ADAMTSL3: variants seen among roughly 807,000 people sequenced by gnomAD.
The protein encoded by ADAMTSL3 is ADAMTS-like protein 3.
In ADAMTSL3, 128 loss-of-function variants were observed where a neutral mutation model predicts 201.7. The observed-to-expected ratio is 0.63, with a 90% CI of 0.55 to 0.73. The LOEUF (loss-of-function observed/expected upper bound fraction) is 0.73, where lower values mean the gene tolerates loss of function less well. Ranked by LOEUF, ADAMTSL3 falls within the 30% of genes least tolerant of loss-of-function variation. The pLI is 0.00. For synonymous variants in ADAMTSL3, 738 were observed against 748.4 expected (o/e 0.99, Z 0.23); for missense variants, 1,990 against 2,119.6 (o/e 0.94, Z 1.20).
At chr15:83,952,345 G>A (rs1775086224) in intron 19 of ADAMTSL3, among the ~76,000 whole-genome samples, 1 of 152,092 alleles carries the variant, frequency 6.6e-6, no homozygotes, top group South Asian at 2.1e-4. Context: ...AGTTTTTTGA[G>A]TGTTTTAAGA....
At chr15:83,691,087 A>T (rs942249976) in intron 2 of ADAMTSL3, among the ~76,000 whole-genome samples, 1 of 152,178 alleles carries the variant, frequency 6.6e-6, no homozygotes, top group Non-Finnish European at 1.5e-5. Context: ...GTGAAGGGGC[A>T]CTGTGCAGTT....
intron 6 of ADAMTSL3, among the ~76,000 whole-genome samples, chr15:83,833,725 A>G (rs950037374): frequency 1.3e-5 from 2 of 152,218 alleles, no homozygotes; most frequent in African/African-American, 4.8e-5. Flanking sequence ...ATTCATGCTT[A>G]GATGGCTTAG....
chr15:83,759,380 C>A (rs2062772455), intron 3 of ADAMTSL3, among the ~76,000 whole-genome samples: 1 of 152,222 alleles, frequency 6.6e-6, no homozygotes, highest in East Asian at 1.9e-4. Context: ...TGCCCGCCAC[C>A]ATGCCCAGCT....
At chr15:83,953,058 A>G (rs916243977) in intron 19 of ADAMTSL3, among the ~76,000 whole-genome samples, 5 of 152,134 alleles carry the variant, frequency 3.3e-5, no homozygotes, top group African/African-American at 4.8e-5. Context: ...CAACAGATCA[A>G]TGGCTCTTGT....
chr15:83,731,531 A>G (rs933829269), intron 3 of ADAMTSL3, among the ~76,000 whole-genome samples: 2 of 152,044 alleles, frequency 1.3e-5, no homozygotes, highest in African/African-American at 4.8e-5. Flanking sequence ...GAATTACCAT[A>G]TAATCTAGCA....
At chr15:83,852,867 G>C (rs942547184) in intron 7 of ADAMTSL3, among the ~76,000 whole-genome samples, 1 of 151,840 alleles carries the variant, frequency 6.6e-6, no homozygotes, top group African/African-American at 2.4e-5. Flanking sequence ...TCCATTTTTG[G>C]GGGGCTGGAA....
intron 3 of ADAMTSL3, among the ~76,000 whole-genome samples, chr15:83,710,688 A>G (rs1289912813): frequency 6.6e-6 from 1 of 152,134 alleles, no homozygotes; most frequent in African/African-American, 2.4e-5. Context: ...GCCTATTTGT[A>G]TGATTCCTTG....
chr15:83,850,285 A>G (rs2064583828), intron 7 of ADAMTSL3, among the ~76,000 whole-genome samples: 1 of 151,502 alleles, frequency 6.6e-6, no homozygotes, highest in African/African-American at 2.4e-5. Context: ...AACTCACTCC[A>G]CCCATCATCC....
At chr15:83,931,727 C>T (rs1357247245) in intron 17 of ADAMTSL3, among the ~76,000 whole-genome samples, 75 of 152,096 alleles carry the variant, frequency 4.9e-4, no homozygotes, top group Non-Finnish European at 7.4e-5. Context: ...AAACAACTAC[C>T]TGGGCTAGGA....
In ADAMTSL3 at chr15:83,984,243, CAAAT is replaced by C. The variant is rs2067437091; in HGVS notation, c.3716+902_3716+905del. On this transcript the variant is annotated intron_variant, in intron 21 of 29. Transcript: ENST00000286744. ...TGCCTTTAGAGATCGTTAAGAGACA[CAAAT>C]AACACAGCAGATGTGAAACTGTTTT... 3.3e-5 allele frequency among the ~76,000 whole-genome samples: 5 copies of C among 152,260 alleles called. No individual in the cohort carries two copies. The South Asian group carries it at 1.0e-3, about 32-fold the overall frequency.
chr15:83,974,081 C>T (rs777901604), intron 20 of ADAMTSL3, among the ~76,000 whole-genome samples: 18 of 152,210 alleles, frequency 1.2e-4, no homozygotes, highest in Non-Finnish European at 1.9e-4. Context: ...AATCCCTGCA[C>T]AGTCCCCTTG....
chr15:83,696,769 T>C (rs556058393), intron 2 of ADAMTSL3, among the ~76,000 whole-genome samples: 7 of 152,304 alleles, frequency 4.6e-5, no homozygotes, highest in Non-Finnish European at 1.0e-4. Context: ...AGGAGGCAGA[T>C]TGTGAGCATG....
chr15:84,037,019 C>T, intron 29 of ADAMTSL3, 32 bp downstream of exon 29: 1 of 1,603,946 alleles, frequency 6.2e-7, no homozygotes, highest in Non-Finnish European at 8.5e-7. Flanking sequence ...CTCCACTGCC[C>T]CAGAGGCCTT....
chr15:84,020,279 C>G (rs911984251), intron 25 of ADAMTSL3, among the ~76,000 whole-genome samples: 1 of 152,090 alleles, frequency 6.6e-6, no homozygotes, highest in Non-Finnish European at 1.5e-5. Flanking sequence ...GTCCGGCTAA[C>G]AGGTGACAGA....
intron 3 of ADAMTSL3, among the ~76,000 whole-genome samples, chr15:83,721,555 A>G (rs896012422): frequency 6.6e-6 from 1 of 152,188 alleles, no homozygotes; most frequent in African/African-American, 2.4e-5. Flanking sequence ...CCAGTTCTAC[A>G]TAGATTAACA....
intron 23 of ADAMTSL3, among the ~76,000 whole-genome samples, chr15:84,006,604 C>A (rs1384737820): frequency 1.3e-5 from 2 of 152,188 alleles, no homozygotes; most frequent in African/African-American, 4.8e-5. Context: ...AAAACAATTT[C>A]AGCATTGTGG....
At chr15:83,983,381 T>C in intron 21 of ADAMTSL3, 37 bp downstream of exon 21, 1 of 1,338,710 alleles carries the variant, frequency 7.5e-7, no homozygotes, top group Non-Finnish European at 1.0e-6. Flanking sequence ...ATTTTTGCAC[T>C]ACCTTCTTAA....
Position 84,017,719 on chromosome 15 carries a change from T to C in ADAMTSL3, c.4273+1220T>C, listed in dbSNP as rs562182364. ...CACATTTCTTCTCCTCTTTTAAACA[T>C]AATACTAACATTATTGTATACCCAA... On this transcript the variant is annotated intron_variant, in intron 25 of 29. Transcript: ENST00000286744. Among the ~76,000 whole-genome samples the C allele has an allele frequency of 9.3e-4, 141 of 152,330 alleles. 1 individual carries two copies. The highest frequency in any genetic ancestry group is 1.6e-3 in the Non-Finnish European group (106 of 68,032).
chr15:83,737,297 T>C (rs1041100465), intron 3 of ADAMTSL3, among the ~76,000 whole-genome samples: 3 of 152,114 alleles, frequency 2.0e-5, no homozygotes, highest in Non-Finnish European at 2.9e-5. Flanking sequence ...AAGACTATAA[T>C]TGATATGGTT....
Sources: allele counts gnomAD v4.1 joint callset (sites outside exome capture counted in the v4.1 genomes callset), GRCh38; gene constraint gnomAD v4.1.1; transcripts MANE v1.5; gene names NCBI Gene and HGNC (gene_info 2026-07-23, HGNC 2026-07-21).